Variants in HERC2 observed in about 807,000 individuals in gnomAD.
The protein encoded by HERC2 is E3 ubiquitin-protein ligase HERC2.
A neutral mutation model predicts 537.7 loss-of-function variants in HERC2; 102 were observed. The ratio of observed to expected loss-of-function variants is 0.19; its 90% CI spans 0.16 to 0.22. The LOEUF is 0.22. HERC2 is among the 10% of genes least tolerant of loss of function. HERC2 has a pLI of 1.00. For missense variants in HERC2, 4,236 were observed against 6,198.2 expected, an observed-to-expected ratio of 0.68 and a Z score of 10.63; for synonymous variants, 2,224 against 2,466.2, an observed-to-expected ratio of 0.90 and a Z score of 2.91.
intron 56 of HERC2, among the ~76,000 whole-genome samples, chr15:28,185,318 T>C (rs1896208366): frequency 6.6e-6 from 1 of 152,114 alleles, no homozygotes; most frequent in Non-Finnish European, 1.5e-5. Context: ...ACAGGGTGTC[T>C]TGGTCAACAG....
chr15:28,303,907 T>C (rs1222631365), intron 2 of HERC2, among the ~76,000 whole-genome samples: 1 of 152,212 alleles, frequency 6.6e-6, no homozygotes, highest in African/African-American at 2.4e-5. Flanking sequence ...GGCTCATACC[T>C]GTAATCCCAG....
chr15:28,153,078 G>A (rs1295874380), intron 69 of HERC2, among the ~76,000 whole-genome samples: 1 of 152,242 alleles, frequency 6.6e-6, no homozygotes, highest in Non-Finnish European at 1.5e-5. Flanking sequence ...TTGGGGCCAG[G>A]CACGGTGGCT....
chr15:28,236,969 A>T lies in HERC2; in HGVS notation c.3997T>A (p.Cys1333Ser). 1.9e-6 allele frequency: 3 copies of T among 1,611,866 alleles called. No individual in the cohort carries two copies. The highest frequency in any genetic ancestry group is 2.5e-6 in the Non-Finnish European group (3 of 1,179,722). Residue 1333 changes from cysteine to serine, a missense_variant, in exon 26 of 93, where the codon TGT becomes AGT. Physicochemically the swap from Cys to Ser is moderately radical, Grantham distance 112. Around this residue, in one of 27 missense-constraint regions of HERC2, gnomAD observed 754 missense variants for 1,085.0 expected, o/e 0.69. Transcript: ENST00000261609. ...AAAGCAAAGATTTTCTTACTGGCAC[A>T]TTCAATCTCGACAGGAGACAGCGGT... Reference protein sequence around the residue: ...STPLSPVEIECAKWLQSSIFS... With the variant: ...STPLSPVEIESAKWLQSSIFS...
chr15:28,233,117 T>C (rs1468045642), intron 30 of HERC2, 29 bp downstream of exon 30: 3 of 1,556,430 alleles, frequency 1.9e-6, no homozygotes, highest in East Asian at 2.2e-5. Context: ...CAAGCTTTAA[T>C]AGTATCTTCT....
intron 11 of HERC2, 25 bp downstream of exon 11, chr15:28,269,223 C>T: frequency 6.2e-7 from 1 of 1,601,508 alleles, no homozygotes; most frequent in South Asian, 1.1e-5. Context: ...GGGAACACTG[C>T]AGGCACAGTG....
chr15:28,205,233 GACA>G (rs1162751168), intron 45 of HERC2, among the ~76,000 whole-genome samples: 1 of 147,132 alleles, frequency 6.8e-6, no homozygotes, highest in African/African-American at 2.5e-5. Context: ...GTTCCTGAAG[GACA>G]ACTCTACACG....
intron 3 of HERC2, among the ~76,000 whole-genome samples, chr15:28,297,440 AC>A (rs2076499466): frequency 1.3e-5 from 2 of 152,106 alleles, no homozygotes; most frequent in African/African-American, 4.8e-5. Context: ...GAAAAAAAAA[AC>A]ACTATAGACA....
chr15:28,265,638 G>T lies in HERC2; in HGVS notation c.1850C>A (p.Thr617Asn). 6.2e-7 allele frequency: 1 copy of T among 1,614,054 alleles called. No individual in the cohort carries two copies. ...CGTACCGTTCTCAGTGACAGCCAGGGTTTGAGCATCCCCACTCCCACACGC... is the reference window on the plus strand; with the variant it reads ...CGTACCGTTCTCAGTGACAGCCAGGTTTTGAGCATCCCCACTCCCACACGC... Reference protein sequence around the residue: ...DVACGSGDAQTLAVTENGQVW... With the variant: ...DVACGSGDAQNLAVTENGQVW... Residue 617 changes from threonine (T) to asparagine (N), a missense_variant, in exon 14 of 93, where the codon ACC (threonine) becomes AAC (asparagine). Transcript: ENST00000261609. This position sits in a 1 kb window ranked among gnomAD's most constrained non-coding sequence, Gnocchi z 4.0.
chr15:28,112,430 G>A (rs1887748002), intron 92 of HERC2, among the ~76,000 whole-genome samples: 1 of 152,218 alleles, frequency 6.6e-6, no homozygotes, highest in South Asian at 2.1e-4. Flanking sequence ...CAAAAACTAA[G>A]AATTACTGAC....
At position 28,113,609 on chromosome 15, in the gene HERC2, G is replaced by T. The variant is rs1472910828; in HGVS notation, c.13983C>A (p.Leu4661=). The T allele has an allele frequency of 6.2e-7, 1 of 1,614,072 alleles. No individual in the cohort carries two copies. The highest frequency in any genetic ancestry group is 1.7e-5 in the Admixed American group (1 of 60,010). The change falls in exon 91 of 93, where the codon CTC becomes CTA. Residue 4661 remains leucine, a synonymous_variant. Coordinates refer to ENST00000261609, the MANE Select transcript of HERC2 (RefSeq NM_004667.6). This position sits in a 1 kb window ranked among gnomAD's most constrained non-coding sequence, Gnocchi z 7.0. ...GTTCGTAGCCGGTGAACAGAGAGAGGAGGGGAACAGGCACAACGCGGGCCA... is the reference window on the plus strand; with the variant it reads ...GTTCGTAGCCGGTGAACAGAGAGAGTAGGGGAACAGGCACAACGCGGGCCA... ...EGMARVVPVP[L]LSLFTGYELE... is the part of the protein sequence containing the mutation.
Position 28,152,775 on chromosome 15 carries a change from T to C in HERC2, c.10802A>G (p.Asp3601Gly). ...AGAAGAGAGGCGGCCGCTCTGCGAG[T>C]CTGTGGCCACATCCTCCAACTCGGT... ...CVTELEDVATDSQSGRLSSQP... is the reference protein window; with the variant it reads ...CVTELEDVATGSQSGRLSSQP... Residue 3601 changes from aspartate to glycine, a missense_variant, in exon 70 of 93, where the codon GAC becomes GGC. Physicochemically the swap from Asp to Gly is moderately conservative, Grantham distance 94 (BLOSUM62 -1). Around this residue, in one of 27 missense-constraint regions of HERC2, gnomAD observed 356 missense variants for 450.9 expected, o/e 0.79. Coordinates refer to ENST00000261609, the MANE Select transcript of HERC2 (RefSeq NM_004667.6). 6.4e-7 allele frequency: 1 copy of C among 1,553,862 alleles called. No individual in the cohort carries two copies. Among genetic ancestry groups the C allele is most frequent in the Non-Finnish European group, 8.7e-7 (1 of 1,148,276 alleles).
At chr15:28,179,708 G>C (rs1457436355) in intron 57 of HERC2, among the ~76,000 whole-genome samples, 1 of 152,234 alleles carries the variant, frequency 6.6e-6, no homozygotes, top group Non-Finnish European at 1.5e-5. Context: ...AGGACAGCTA[G>C]CTCCTTTGTG....
intron 78 of HERC2, among the ~76,000 whole-genome samples, chr15:28,140,604 C>T (rs1891121301): frequency 6.6e-6 from 1 of 151,654 alleles, no homozygotes; most frequent in African/African-American, 2.4e-5. Flanking sequence ...TCACTGCAAC[C>T]TCCATCTCCC....
intron 2 of HERC2, among the ~76,000 whole-genome samples, chr15:28,314,995 G>A (rs149304806): frequency 5.3e-5 from 8 of 152,258 alleles, no homozygotes; most frequent in African/African-American, 1.2e-4. Flanking sequence ...AAAAGAGCAC[G>A]TACGGCCCAC....
At position 28,176,386 on chromosome 15, in the gene HERC2, T is replaced by C. The variant is rs368435276; in HGVS notation, c.9686+42A>G. On this transcript the variant is annotated intron_variant, in intron 63 of 92. Transcript: ENST00000261609. This position sits in a 1 kb window ranked among gnomAD's most constrained non-coding sequence, Gnocchi z 5.0. Reference sequence around the variant, plus strand: ...GAGGCCCAGGTTCCCTGCACACACCTGCACAAGCACACACAGTGTGACAGG... The same window carrying C: ...GAGGCCCAGGTTCCCTGCACACACCCGCACAAGCACACACAGTGTGACAGG... The C allele has an allele frequency of 2.1e-5, 34 of 1,604,256 alleles. No individual in the cohort carries two copies. In the African/African-American group the frequency reaches 3.3e-4, roughly 16 times the overall value.
At chr15:28,318,207 C>G (rs532422436) in intron 2 of HERC2, among the ~76,000 whole-genome samples, 166 of 152,220 alleles carry the variant, frequency 1.1e-3, no homozygotes, top group South Asian at 4.8e-3. Context: ...CATCAGATTA[C>G]AAGTACTTTC....
intron 21 of HERC2, 91 bp downstream of exon 21, chr15:28,248,461 A>G: frequency 2.2e-6 from 2 of 899,288 alleles, no homozygotes; most frequent in Non-Finnish European, 1.7e-6. Flanking sequence ...TAACAACTAC[A>G]CATCTGGGCA....
chr15:28,198,790 G>A, intron 48 of HERC2, 21 bp from the exon 49 acceptor site: 1 of 1,596,608 alleles, frequency 6.3e-7, no homozygotes. Flanking sequence ...AATGAAATTG[G>A]AGATCCAGTC....
At chr15:28,195,729 G>A (rs1022262061) in intron 52 of HERC2, among the ~76,000 whole-genome samples, 2 of 152,140 alleles carry the variant, frequency 1.3e-5, no homozygotes, top group African/African-American at 2.4e-5. Flanking sequence ...TGATCGGAGT[G>A]GTGAAAAGTT....
Sources: gnomAD v4.1 joint callset for allele counts (sites outside exome capture counted in the v4.1 genomes callset) on GRCh38, gnomAD v4.1.1 for gene constraint, gnomAD v4.1.1 regional missense constraint, Gnocchi (gnomAD v3.1) non-coding constraint, MANE v1.5 for transcripts, NCBI Gene and HGNC (gene_info 2026-07-23, HGNC 2026-07-21) for gene names.